Variants in TRHDE observed in about 807,000 individuals in gnomAD.
TRHDE encodes the protein thyrotropin releasing hormone degrading enzyme.
Under a neutral mutation model 125.7 loss-of-function variants are expected in TRHDE, and 72 were observed. The ratio of observed to expected loss-of-function variants is 0.57; its 90% CI spans 0.47 to 0.70. The LOEUF is 0.70. Ranked by LOEUF, TRHDE falls within the 30% of genes least tolerant of loss-of-function variation. TRHDE has a pLI of 0.00. For synonymous variants in TRHDE, 509 were observed against 509.1 expected (o/e 1.00, Z 0.00); for missense variants, 1,110 against 1,327.1 (o/e 0.84, Z 2.54).
intron 7 of TRHDE, among the ~76,000 whole-genome samples, chr12:72,552,518 T>A (rs1468678652): frequency 6.6e-6 from 1 of 152,034 alleles, no homozygotes; most frequent in Non-Finnish European, 1.5e-5. Flanking sequence ...TGGAGGTGAC[T>A]GAGATGGAAC....
At chr12:72,500,019 C>T (rs1411795951) in intron 6 of TRHDE, among the ~76,000 whole-genome samples, 1 of 152,060 alleles carries the variant, frequency 6.6e-6, no homozygotes, top group East Asian at 1.9e-4. Flanking sequence ...TTTTGATGGG[C>T]TGATGCAAAT....
Position 72,121,381 on chromosome 12 carries a change from AC to A in TRHDE, n.279+15630del, listed in dbSNP as rs1288416324. Among the ~76,000 whole-genome samples the A allele has an allele frequency of 2.6e-5, 4 of 152,256 alleles. No individual in the cohort carries two copies. In the East Asian group the frequency reaches 5.8e-4, roughly 22 times the overall value. ...GCTCATAGTGGCAGCGCTTTCTGGAACTCAGGTTCCAACTACTGTGATGGAC... is the reference window on the plus strand; with the variant it reads ...GCTCATAGTGGCAGCGCTTTCTGGAATCAGGTTCCAACTACTGTGATGGAC... On this transcript the variant is annotated intron_variant and non_coding_transcript_variant, in intron 2 of 4. Transcript: ENST00000548156.
At chr12:72,299,443 A>C (rs960876039) in intron 2 of TRHDE, among the ~76,000 whole-genome samples, 89 of 152,342 alleles carry the variant, frequency 5.8e-4, no homozygotes, top group African/African-American at 2.1e-3. Context: ...CAAATGCCTA[A>C]AACCAATCAC....
intron 2 of TRHDE, among the ~76,000 whole-genome samples, chr12:72,372,686 G>A (rs1057073433): frequency 1.8e-4 from 28 of 152,300 alleles, no homozygotes; most frequent in African/African-American, 6.7e-4. Context: ...GTTTGTCAAA[G>A]ATCAGATGGT....
At chr12:72,310,224 A>G (rs955190361) in intron 2 of TRHDE, among the ~76,000 whole-genome samples, 1 of 152,214 alleles carries the variant, frequency 6.6e-6, no homozygotes, top group Non-Finnish European at 1.5e-5. Context: ...GGGAGACAAT[A>G]ATAGTATCCA....
At chr12:72,566,716 C>A (rs7139104) in intron 9 of TRHDE, among the ~76,000 whole-genome samples, 40,139 of 151,444 alleles carry the variant, frequency 0.27, 7,981 homozygotes, top group African/African-American at 0.54. Flanking sequence ...CCTCAATTTT[C>A]TATATTCTTT....
At chr12:72,467,267 T>C (rs1286468154) in intron 3 of TRHDE, among the ~76,000 whole-genome samples, 1 of 148,856 alleles carries the variant, frequency 6.7e-6, no homozygotes, top group South Asian at 2.2e-4. Flanking sequence ...TGGTATACGA[T>C]GTTCCCCTTC....
intron 2 of TRHDE, among the ~76,000 whole-genome samples, chr12:72,117,943 T>C (rs867993274): frequency 1.2e-4 from 18 of 151,176 alleles, no homozygotes; most frequent in Admixed American, 2.0e-4. Flanking sequence ...CTTTACTGCA[T>C]TTTTTTTTCA....
intron 2 of TRHDE, among the ~76,000 whole-genome samples, chr12:72,289,756 A>G (rs1880019497): frequency 6.6e-6 from 1 of 152,210 alleles, no homozygotes; most frequent in East Asian, 1.9e-4. Context: ...GAGAAGCAAT[A>G]AAGAAAAATA....
intron 2 of TRHDE, among the ~76,000 whole-genome samples, chr12:72,209,870 C>T (rs948543890): frequency 1.9e-4 from 29 of 152,200 alleles, no homozygotes; most frequent in African/African-American, 7.0e-4. Context: ...TGCATTTATG[C>T]AAGTGTTGAT....
intron 4 of TRHDE, among the ~76,000 whole-genome samples, chr12:72,472,153 G>A (rs1036533442): frequency 2.6e-5 from 4 of 152,038 alleles, no homozygotes; most frequent in African/African-American, 7.2e-5. Context: ...CTGAAATTGC[G>A]TTGTTCATTT....
At chr12:72,345,679 T>C (rs1305965520) in intron 2 of TRHDE, among the ~76,000 whole-genome samples, 1 of 152,038 alleles carries the variant, frequency 6.6e-6, no homozygotes, top group East Asian at 1.9e-4. Flanking sequence ...ATTTGTGTTC[T>C]TGGGTGTACA....
At chr12:72,487,280 A>T (rs146774551) in intron 5 of TRHDE, among the ~76,000 whole-genome samples, 1 of 152,316 alleles carries the variant, frequency 6.6e-6, no homozygotes, top group East Asian at 1.9e-4. Context: ...TATTGTCAGT[A>T]GTCCCCAAAC....
At position 72,273,095 on chromosome 12, in the gene TRHDE, C is replaced by G; in HGVS notation, c.452C>G (p.Ser151Cys). ...CGCAACCACCACGCAGGCGGGGACT[C>G]CTGGCAGCCCGAGGCGGGTGGGGTG... is the stretch of plus-strand genomic sequence containing the variant. ...ARRNHHAGGD[S>C]WQPEAGGVAS... Residue 151 changes from serine (S) to cysteine (C), a missense_variant, in exon 1 of 19, where the codon TCC (serine) becomes TGC (cysteine). Physicochemically the swap from Ser to Cys is moderately radical, Grantham distance 112. Coordinates refer to ENST00000261180, the MANE Select transcript of TRHDE (RefSeq NM_013381.3). The surrounding 1 kb of genome is among the most constrained non-coding windows in gnomAD (Gnocchi z 5.3). 6.6e-7 allele frequency: 1 copy of G among 1,524,966 alleles called. No homozygotes were observed. Among genetic ancestry groups the G allele is most frequent in the African/African-American group, 1.4e-5 (1 of 73,140 alleles). The allele number at this position is 1,524,966 out of a possible 1,614,324, so 94.5% of individuals were successfully genotyped here.
At chr12:72,544,239 A>G in intron 7 of TRHDE, among the ~76,000 whole-genome samples, 1 of 151,486 alleles carries the variant, frequency 6.6e-6, no homozygotes, top group East Asian at 1.9e-4. Context: ...TCTCTTGTGC[A>G]TGAAGATGTA....
chr12:72,529,906 CA>C (rs771316668), intron 6 of TRHDE, among the ~76,000 whole-genome samples: 1 of 152,144 alleles, frequency 6.6e-6, no homozygotes, highest in Non-Finnish European at 1.5e-5. Context: ...CTTACGCCTC[CA>C]ACCCTGTGCA....
intron 3 of TRHDE, among the ~76,000 whole-genome samples, chr12:72,425,323 CT>C (rs774154140): frequency 4.6e-5 from 7 of 151,948 alleles, no homozygotes; most frequent in Non-Finnish European, 1.0e-4. Context: ...TTAAATATGC[CT>C]GCTGAATATA....
intron 12 of TRHDE, among the ~76,000 whole-genome samples, chr12:72,583,049 A>C (rs554910406): frequency 6.6e-6 from 1 of 152,228 alleles, no homozygotes; most frequent in Non-Finnish European, 1.5e-5. Flanking sequence ...GTCATTGGAC[A>C]TGGAGAGAAG....
rs57483232 is a variant in TRHDE, at chr12:72,121,720, CTTTTTTT to C, written n.279+15983_279+15989del. ...TGCTTTTTGGTATTTACGAAGGTGC[CTTTTTTT>C]TTTTTTTTTTTTTTGATGTGGATAG... On this transcript the variant is annotated intron_variant and non_coding_transcript_variant, in intron 2 of 4. Transcript: ENST00000548156. Among the ~76,000 whole-genome samples, 196 of 111,958 alleles carry C rather than the reference CTTTTTTT, an allele frequency of 1.8e-3. 3 individuals are homozygous for C. Among genetic ancestry groups the C allele is most frequent in the African/African-American group, 6.0e-3 (176 of 29,442 alleles). 73.4% of individuals were successfully genotyped at this position (111,958 alleles called of 152,430 possible). A position where few individuals can be genotyped will look rare whatever the true frequency, so the allele number is the denominator to read the frequency against.
Sources: allele counts gnomAD v4.1 joint callset (sites outside exome capture counted in the v4.1 genomes callset), GRCh38; gene constraint gnomAD v4.1.1; non-coding constraint Gnocchi (gnomAD v3.1); transcripts MANE v1.5; gene names NCBI Gene and HGNC (gene_info 2026-07-23, HGNC 2026-07-21).